Variants in MIPOL1 observed in about 807,000 individuals in gnomAD.
The protein encoded by MIPOL1 is mirror-image polydactyly gene 1 protein.
A neutral mutation model predicts 60.9 loss-of-function variants in MIPOL1; 57 were observed. The observed-to-expected ratio is 0.94, with a 90% CI of 0.76 to 1.17. The LOEUF (loss-of-function observed/expected upper bound fraction) is 1.17, where lower values mean the gene tolerates loss of function less well. MIPOL1 is among the 50% of genes most tolerant of loss of function. MIPOL1 has a pLI of 0.00. For synonymous variants in MIPOL1, 179 were observed against 168.8 expected (o/e 1.06, Z -0.47); for missense variants, 551 against 511.6 (o/e 1.08, Z -0.74).
chr14:37,296,737 C>T (rs2085741272), intron 7 of MIPOL1, among the ~76,000 whole-genome samples: 1 of 152,130 alleles, frequency 6.6e-6, no homozygotes. Flanking sequence ...CACATACACC[C>T]TCCCAAGACT....
chr14:37,407,910 T>G (rs1275875266), intron 10 of MIPOL1, among the ~76,000 whole-genome samples: 6 of 135,248 alleles, frequency 4.4e-5, no homozygotes, highest in Non-Finnish European at 1.5e-5. Flanking sequence ...AGTACAGTGG[T>G]GTAATCATGG....
At chr14:37,219,693 T>C (rs1594536534) in intron 1 of MIPOL1, 2 of 152,168 alleles carry the variant, frequency 1.3e-5, no homozygotes, top group South Asian at 4.1e-4. Flanking sequence ...GTCACTGAGG[T>C]ATTAAGTCTT....
At chr14:37,364,344 A>G (rs2092395940) in intron 9 of MIPOL1, among the ~76,000 whole-genome samples, 1 of 152,160 alleles carries the variant, frequency 6.6e-6, no homozygotes, top group South Asian at 2.1e-4. Context: ...TTTCTGTAGT[A>G]GTTTCATAAT....
At chr14:37,345,483 T>C (rs1401121531) in intron 9 of MIPOL1, among the ~76,000 whole-genome samples, 1 of 152,224 alleles carries the variant, frequency 6.6e-6, no homozygotes, top group African/African-American at 2.4e-5. Flanking sequence ...CTATCAGTTA[T>C]TGATACTGAA....
chr14:37,361,740 T>C (rs1382615633), intron 9 of MIPOL1, among the ~76,000 whole-genome samples: 1 of 148,828 alleles, frequency 6.7e-6, no homozygotes, highest in Non-Finnish European at 1.5e-5. Flanking sequence ...CTCGAGTAGC[T>C]GGGACTACAG....
At chr14:37,483,454 C>T (rs1336604311) in intron 11 of MIPOL1, among the ~76,000 whole-genome samples, 1 of 152,008 alleles carries the variant, frequency 6.6e-6, no homozygotes, top group East Asian at 1.9e-4. Flanking sequence ...AAATATTTTT[C>T]ATCCATGGTT....
chr14:37,521,160 C>T (rs1002979932), intron 12 of MIPOL1, among the ~76,000 whole-genome samples: 1 of 151,886 alleles, frequency 6.6e-6, no homozygotes, highest in Non-Finnish European at 1.5e-5. Flanking sequence ...TGGTCTTGAA[C>T]TCCTGACCTC....
intron 11 of MIPOL1, among the ~76,000 whole-genome samples, chr14:37,480,929 A>G (rs2153598441): frequency 6.6e-6 from 1 of 152,208 alleles, no homozygotes; most frequent in East Asian, 1.9e-4. Flanking sequence ...ACATGAAGCC[A>G]GGAGTTCAAG....
chr14:37,403,642 A>G lies in MIPOL1; in HGVS notation c.937-19213A>G, dbSNP rs183043900. On this transcript the variant is annotated intron_variant, in intron 10 of 12. Coordinates refer to ENST00000684589, the MANE Select transcript of MIPOL1 (RefSeq NM_001388067.1). ...GTGGCAACCTATGTAGTATTGCTTT[A>G]GAAAGTTTGGTTCTGTTCATCGTTT... 7.2e-5 allele frequency among the ~76,000 whole-genome samples: 11 copies of G among 152,182 alleles called. No individual in the cohort carries two copies. In the East Asian group the frequency reaches 1.9e-3, roughly 27 times the overall value.
chr14:37,405,514 G>C (rs555449207), intron 10 of MIPOL1, among the ~76,000 whole-genome samples: 22 of 151,964 alleles, frequency 1.4e-4, no homozygotes, highest in Non-Finnish European at 2.5e-4. Context: ...TTTATTTTAC[G>C]TTAAAATGTG....
At chr14:37,307,044 A>G (rs1260761404) in intron 7 of MIPOL1, among the ~76,000 whole-genome samples, 1 of 151,706 alleles carries the variant, frequency 6.6e-6, no homozygotes, top group Non-Finnish European at 1.5e-5. Context: ...CTACTTTTCC[A>G]TGAGTGTAGT....
At chr14:37,287,470 TG>T (rs1173650202) in intron 7 of MIPOL1, among the ~76,000 whole-genome samples, 1 of 152,078 alleles carries the variant, frequency 6.6e-6, no homozygotes, top group African/African-American at 2.4e-5. Context: ...CCCAGGCTGG[TG>T]TCAAACTCTG....
At position 37,500,105 on chromosome 14, in the gene MIPOL1, A is replaced by G; in HGVS notation, c.1229A>G (p.Glu410Gly). Residue 410 changes from glutamate to glycine, a missense_variant, in exon 12 of 13, where the codon GAG becomes GGG. Coordinates refer to ENST00000684589, the MANE Select transcript of MIPOL1 (RefSeq NM_001388067.1). ...GAATTACAACTTCAACATGCCAGAG[A>G]GGCCTCCCAAGTGGCCAATGAAAAA... ...NMELQLQHAREASQVANEKVQ... is the reference protein window; with the variant it reads ...NMELQLQHARGASQVANEKVQ... The G allele has an allele frequency of 6.2e-7, 1 of 1,612,076 alleles. No individual in the cohort carries two copies.
At chr14:37,321,728 A>G (rs1007088663) in intron 9 of MIPOL1, among the ~76,000 whole-genome samples, 2 of 151,882 alleles carry the variant, frequency 1.3e-5, no homozygotes, top group African/African-American at 2.4e-5. Context: ...GTGAATTTTC[A>G]TTTTATTTAT....
intron 11 of MIPOL1, among the ~76,000 whole-genome samples, chr14:37,490,279 G>A (rs1416798618): frequency 6.6e-6 from 1 of 152,048 alleles, no homozygotes. Flanking sequence ...CTCAAGCCTC[G>A]GCAATGGTGA....
At chr14:37,286,944 G>A (rs1260796489) in intron 7 of MIPOL1, among the ~76,000 whole-genome samples, 2 of 152,038 alleles carry the variant, frequency 1.3e-5, no homozygotes, top group Non-Finnish European at 2.9e-5. Flanking sequence ...AAATTAATTG[G>A]ATAAAAATCA....
chr14:37,357,821 A>G (rs2091947841), intron 9 of MIPOL1, among the ~76,000 whole-genome samples: 1 of 151,932 alleles, frequency 6.6e-6, no homozygotes, highest in Admixed American at 6.6e-5. Context: ...GGTATTGCTC[A>G]AGAAATATTT....
intron 11 of MIPOL1, among the ~76,000 whole-genome samples, chr14:37,442,259 A>G (rs1595791481): frequency 6.6e-6 from 1 of 152,130 alleles, no homozygotes; most frequent in South Asian, 2.1e-4. Context: ...TATTACTTCC[A>G]GGAGCCTTTT....
At chr14:37,422,109 T>C (rs1306713732) in intron 10 of MIPOL1, among the ~76,000 whole-genome samples, 1 of 152,076 alleles carries the variant, frequency 6.6e-6, no homozygotes, top group Non-Finnish European at 1.5e-5. Context: ...TTTGGTGTTG[T>C]TTGAAATCCT....
Sources: allele counts gnomAD v4.1 joint callset (sites outside exome capture counted in the v4.1 genomes callset), GRCh38; gene constraint gnomAD v4.1.1; transcripts MANE v1.5; gene names NCBI Gene and HGNC (gene_info 2026-07-23, HGNC 2026-07-21).